The following PDZD2 variants were observed in gnomAD, a reference collection of about 807,000 sequenced individuals.
PDZD2 encodes PDZ domain containing 2.
PDZD2 carries 90 observed loss-of-function variants against 220.7 expected under a neutral mutation model. That is an observed-to-expected ratio of 0.41 (90% CI 0.34 to 0.49). The LOEUF is 0.49. PDZD2 is among the 20% of genes least tolerant of loss of function. The pLI, the probability that PDZD2 is intolerant of heterozygous loss-of-function variation, is 0.28. For synonymous variants in PDZD2, 1,375 were observed against 1,450.5 expected (o/e 0.95, Z 1.18); for missense variants, 3,174 against 3,608.5 (o/e 0.88, Z 3.08).
At chr5:31,759,809 C>T (rs989165294) in intron 1 of PDZD2, among the ~76,000 whole-genome samples, 1 of 152,048 alleles carries the variant, frequency 6.6e-6, no homozygotes, top group Admixed American at 6.6e-5. Context: ...CCTCCCAAAG[C>T]GTTGGGATTA....
At chr5:31,766,064 C>T (rs1751984053) in intron 1 of PDZD2, among the ~76,000 whole-genome samples, 1 of 152,078 alleles carries the variant, frequency 6.6e-6, no homozygotes, top group Non-Finnish European at 1.5e-5. Flanking sequence ...CCTGTAGTCC[C>T]AGCTACTCAG....
At chr5:31,891,534 C>G (rs36173730) in intron 2 of PDZD2, among the ~76,000 whole-genome samples, 4 of 152,008 alleles carry the variant, frequency 2.6e-5, no homozygotes, top group Admixed American at 2.6e-4. Flanking sequence ...AGGCTGATCT[C>G]GAACTCCTGA....
chr5:31,865,068 C>CG (rs1319060432), intron 2 of PDZD2, among the ~76,000 whole-genome samples: 2 of 151,342 alleles, frequency 1.3e-5, no homozygotes, highest in Non-Finnish European at 2.9e-5. Flanking sequence ...AGGATGGTCT[C>CG]GATCTCCTGA....
chr5:31,960,952 T>C (rs1247393392), intron 2 of PDZD2, among the ~76,000 whole-genome samples: 5 of 152,212 alleles, frequency 3.3e-5, no homozygotes, highest in African/African-American at 7.2e-5. Flanking sequence ...GACTGACTTA[T>C]TCATTGCTTT....
intron 1 of PDZD2, among the ~76,000 whole-genome samples, chr5:31,675,778 C>T (rs149089844): frequency 8.5e-5 from 13 of 152,286 alleles, no homozygotes; most frequent in Non-Finnish European, 1.6e-4. Flanking sequence ...CTCACAGCAA[C>T]GTCCACCTCC....
At chr5:31,746,684 C>T (rs1013877887) in intron 1 of PDZD2, among the ~76,000 whole-genome samples, 3 of 152,146 alleles carry the variant, frequency 2.0e-5, no homozygotes, top group African/African-American at 4.8e-5. Flanking sequence ...TTCTGTGTGT[C>T]CTCACCCCGA....
At chr5:32,075,941 A>G (rs1439711647) in intron 18 of PDZD2, among the ~76,000 whole-genome samples, 1 of 152,124 alleles carries the variant, frequency 6.6e-6, no homozygotes, top group Non-Finnish European at 1.5e-5. Flanking sequence ...ACCTCCAACC[A>G]CTACCTGTGT....
intron 1 of PDZD2, among the ~76,000 whole-genome samples, chr5:31,768,314 G>A (rs987604256): frequency 5.9e-5 from 9 of 152,100 alleles, no homozygotes; most frequent in African/African-American, 2.2e-4. Flanking sequence ...ATGCTGCAGT[G>A]GGAACTAGAG....
intron 2 of PDZD2, among the ~76,000 whole-genome samples, chr5:31,917,480 T>A (rs528238971): frequency 7.9e-5 from 12 of 152,272 alleles, no homozygotes; most frequent in African/African-American, 2.9e-4. Flanking sequence ...GTGAGCCATG[T>A]TCACACCACT....
chr5:31,880,286 C>A (rs1360452008), intron 2 of PDZD2, among the ~76,000 whole-genome samples: 1 of 152,090 alleles, frequency 6.6e-6, no homozygotes, highest in East Asian at 1.9e-4. Context: ...ATATGAAACT[C>A]CATTAAGATT....
intron 19 of PDZD2, among the ~76,000 whole-genome samples, chr5:32,085,590 C>T (rs1273001065): frequency 2.0e-5 from 3 of 150,328 alleles, no homozygotes; most frequent in Non-Finnish European, 4.4e-5. Context: ...GGATTACAGG[C>T]GTGTGCCACC....
At chr5:31,761,771 G>C (rs13165957) in intron 1 of PDZD2, among the ~76,000 whole-genome samples, 2 of 150,850 alleles carry the variant, frequency 1.3e-5, no homozygotes, top group African/African-American at 4.9e-5. Flanking sequence ...TGAGACAGGA[G>C]AATCGCTTGA....
intron 1 of PDZD2, among the ~76,000 whole-genome samples, chr5:31,742,819 G>A (rs1750350624): frequency 6.6e-6 from 1 of 152,082 alleles, no homozygotes; most frequent in Admixed American, 6.6e-5. Context: ...GTACACAAAG[G>A]GCTTTGATCA....
At chr5:31,761,324 T>A (rs921310495) in intron 1 of PDZD2, among the ~76,000 whole-genome samples, 2 of 152,078 alleles carry the variant, frequency 1.3e-5, no homozygotes, top group African/African-American at 4.8e-5. Context: ...ATCCAGATTC[T>A]TCCAAATGGG....
At chr5:31,799,866 A>T (rs1754289179) in intron 2 of PDZD2, 142 bp downstream of exon 2, 1 of 641,622 alleles carries the variant, frequency 1.6e-6, no homozygotes. Context: ...CCCCTCATCC[A>T]TTCAACGCAG....
intron 20 of PDZD2, among the ~76,000 whole-genome samples, chr5:32,092,529 G>A (rs916598860): frequency 6.6e-6 from 1 of 152,222 alleles, no homozygotes; most frequent in African/African-American, 2.4e-5. Flanking sequence ...CTGAGATCGT[G>A]CCACTGCACT....
At chr5:32,014,697 T>G (rs948585269) in intron 6 of PDZD2, among the ~76,000 whole-genome samples, 5 of 141,116 alleles carry the variant, frequency 3.5e-5, no homozygotes, top group African/African-American at 1.3e-4. Context: ...TGCTCTGCAA[T>G]GACAATTTCT....
At chr5:31,979,774 T>G (rs7703495) in intron 2 of PDZD2, among the ~76,000 whole-genome samples, 44,718 of 151,926 alleles carry the variant, frequency 0.29, 6,849 homozygotes, top group Middle Eastern at 0.39. Context: ...GAAACTAAAG[T>G]GCAGGGTTGA....
At chr5:31,855,993 C>T (rs1364637782) in intron 2 of PDZD2, among the ~76,000 whole-genome samples, 1 of 152,168 alleles carries the variant, frequency 6.6e-6, no homozygotes, top group East Asian at 1.9e-4. Context: ...TGAATGTAAA[C>T]AGTAAACAAA....
Sources: gnomAD v4.1 joint callset for allele counts (sites outside exome capture counted in the v4.1 genomes callset) on GRCh38, gnomAD v4.1.1 for gene constraint, MANE v1.5 for transcripts, NCBI Gene and HGNC (gene_info 2026-07-23, HGNC 2026-07-21) for gene names.